The following AMBRA1 variants were observed in gnomAD, a reference collection of about 807,000 sequenced individuals.
AMBRA1 encodes the protein activating molecule in BECN1-regulated autophagy protein 1.
In AMBRA1, 47 loss-of-function variants were observed where a neutral mutation model predicts 125.4. That is an observed-to-expected ratio of 0.37 (90% CI 0.30 to 0.48). AMBRA1 has a LOEUF of 0.48. Among genes scored for constraint, AMBRA1 ranks in the 20% least tolerant of loss-of-function variants. AMBRA1 has a pLI of 0.99. For missense variants in AMBRA1, 1,331 were observed against 1,693.4 expected (o/e 0.79, Z 3.76); for synonymous variants, 626 against 655.5 (o/e 0.95, Z 0.69).
chr11:46,489,076 T>A (rs1245425359), intron 11 of AMBRA1, among the ~76,000 whole-genome samples: 2 of 152,118 alleles, frequency 1.3e-5, no homozygotes, highest in African/African-American at 4.8e-5. Flanking sequence ...AATTTTTTTT[T>A]TTATTACACT....
At chr11:46,469,841 T>G (rs1357175807) in intron 11 of AMBRA1, among the ~76,000 whole-genome samples, 1 of 148,016 alleles carries the variant, frequency 6.8e-6, no homozygotes, top group Non-Finnish European at 1.5e-5. Flanking sequence ...ACTTAAACTT[T>G]TTTTTTTTTT....
At chr11:46,536,023 G>A (rs182156798) in intron 7 of AMBRA1, among the ~76,000 whole-genome samples, 6 of 152,228 alleles carry the variant, frequency 3.9e-5, no homozygotes, top group African/African-American at 9.6e-5. Flanking sequence ...AAGTAATACC[G>A]TTTCATTTAT....
chr11:46,493,572 T>C (rs1950536925), intron 11 of AMBRA1, 36 bp downstream of exon 11: 3 of 1,554,028 alleles, frequency 1.9e-6, no homozygotes, highest in African/African-American at 2.8e-5. Context: ...TCCTTGGCCC[T>C]TCACATTTTC....
intron 1 of AMBRA1, among the ~76,000 whole-genome samples, chr11:46,585,162 T>TA (rs969251958): frequency 5.3e-5 from 8 of 152,024 alleles, no homozygotes; most frequent in African/African-American, 1.9e-4. Context: ...GCATGCTCGT[T>TA]AAGAGTCATC....
At chr11:46,533,223 T>C (rs1055564967) in intron 7 of AMBRA1, among the ~76,000 whole-genome samples, 1 of 151,658 alleles carries the variant, frequency 6.6e-6, no homozygotes, top group Non-Finnish European at 1.5e-5. Flanking sequence ...TTGATTAGCA[T>C]AGAAAAAATT....
At chr11:46,400,971 C>T (rs535497036) in intron 17 of AMBRA1, among the ~76,000 whole-genome samples, 1 of 152,254 alleles carries the variant, frequency 6.6e-6, no homozygotes, top group South Asian at 2.1e-4. Context: ...CTGGGTCAAC[C>T]CCATCTTCAG....
intron 12 of AMBRA1, among the ~76,000 whole-genome samples, chr11:46,439,097 C>T (rs1346374557): frequency 6.6e-6 from 1 of 151,922 alleles, no homozygotes; most frequent in African/African-American, 2.4e-5. Context: ...ACAGCGAGAT[C>T]TCATCTCTAT....
Position 46,508,190 on chromosome 11 carries a change from C to T in AMBRA1, c.2339+1G>A. The T allele has an allele frequency of 6.2e-7, 1 of 1,614,074 alleles. No individual in the cohort carries two copies. Among genetic ancestry groups the T allele is most frequent in the Non-Finnish European group, 8.5e-7 (1 of 1,179,928 alleles). ...AGAAAGCAAGCTGAGTATGTACTTA[C>T]TCAAAGTCCTCAAATTCCAAGTCGG... On this transcript the variant is annotated splice_donor_variant, in intron 9 of 17. Transcript: ENST00000683756. LOFTEE classifies it high-confidence loss of function.
chr11:46,488,288 T>C (rs1950331547), intron 11 of AMBRA1, among the ~76,000 whole-genome samples: 1 of 151,988 alleles, frequency 6.6e-6, no homozygotes, highest in Non-Finnish European at 1.5e-5. Flanking sequence ...AAACCCCATC[T>C]CTACTAAAAA....
chr11:46,526,427 T>TG (rs1408578405), intron 7 of AMBRA1, among the ~76,000 whole-genome samples: 1 of 151,586 alleles, frequency 6.6e-6, no homozygotes, highest in African/African-American at 2.4e-5. Flanking sequence ...TTAAGAGAAC[T>TG]GGCAGGCTTC....
Position 46,562,397 on chromosome 11 carries a change from T to C in AMBRA1, c.-120-13897A>G, listed in dbSNP as rs1333754085. 2.0e-5 allele frequency among the ~76,000 whole-genome samples: 3 copies of C among 152,196 alleles called. No homozygotes were observed. In the South Asian group the frequency reaches 6.2e-4, roughly 32 times the overall value. Reference sequence around the variant, plus strand: ...GATAAAATTTGGATTTTATTAAGTGTAATGGGTTACTATTAGAGGATTTTA... The same window carrying C: ...GATAAAATTTGGATTTTATTAAGTGCAATGGGTTACTATTAGAGGATTTTA... On this transcript the variant is annotated intron_variant, in intron 1 of 17. Transcript: ENST00000683756.
chr11:46,569,861 T>C (rs2043692811), intron 1 of AMBRA1, among the ~76,000 whole-genome samples: 1 of 152,146 alleles, frequency 6.6e-6, no homozygotes, highest in African/African-American at 2.4e-5. Flanking sequence ...CTCAGGAGGC[T>C]GAGGCAGGAG....
chr11:46,534,142 AT>A (rs1952352511), intron 7 of AMBRA1, among the ~76,000 whole-genome samples: 1 of 147,476 alleles, frequency 6.8e-6, no homozygotes, highest in South Asian at 2.3e-4. Flanking sequence ...TAGATATCTT[AT>A]TTTTTTATTG....
intron 14 of AMBRA1, among the ~76,000 whole-genome samples, chr11:46,428,116 G>A (rs1262982102): frequency 1.3e-5 from 2 of 149,740 alleles, no homozygotes; most frequent in Admixed American, 6.7e-5. Context: ...AGAGGGAGAA[G>A]GGGTATAAAG....
At chr11:46,581,225 G>T (rs189022914) in intron 1 of AMBRA1, among the ~76,000 whole-genome samples, 1 of 151,890 alleles carries the variant, frequency 6.6e-6, no homozygotes, top group East Asian at 1.9e-4. Flanking sequence ...GTAATCCCGG[G>T]ACTTTGGGAG....
chr11:46,441,639 G>A (rs1948013908), intron 12 of AMBRA1, among the ~76,000 whole-genome samples: 1 of 152,082 alleles, frequency 6.6e-6, no homozygotes. Context: ...GAAACCATAG[G>A]GTAAGCTAAT....
chr11:46,465,581 G>A (rs1449167627), intron 11 of AMBRA1, among the ~76,000 whole-genome samples: 1 of 152,120 alleles, frequency 6.6e-6, no homozygotes, highest in African/African-American at 2.4e-5. Context: ...ATATCACAGA[G>A]GAAGCCTCTC....
chr11:46,570,184 C>A (rs2043704440), intron 1 of AMBRA1, among the ~76,000 whole-genome samples: 1 of 150,164 alleles, frequency 6.7e-6, no homozygotes, highest in Non-Finnish European at 1.5e-5. Flanking sequence ...ATCGCTTGAA[C>A]CTGGGAGCCA....
chr11:46,430,904 G>A (rs1380069066), intron 14 of AMBRA1, among the ~76,000 whole-genome samples: 1 of 152,198 alleles, frequency 6.6e-6, no homozygotes, highest in Non-Finnish European at 1.5e-5. Flanking sequence ...TGCAAAGAGG[G>A]AGATGCTGTA....
Sources: allele counts gnomAD v4.1 joint callset (sites outside exome capture counted in the v4.1 genomes callset), GRCh38; gene constraint gnomAD v4.1.1; transcripts MANE v1.5; gene names NCBI Gene and HGNC (gene_info 2026-07-23, HGNC 2026-07-21).